Variants in CACNA2D3 observed in about 807,000 individuals in gnomAD.
CACNA2D3 encodes the protein voltage-dependent calcium channel subunit alpha-2/delta-3.
A neutral mutation model predicts 160.6 loss-of-function variants in CACNA2D3; 60 were observed. That is an observed-to-expected ratio of 0.37 (90% CI 0.30 to 0.46). CACNA2D3 has a LOEUF of 0.46. Ranked by LOEUF, CACNA2D3 falls within the 20% of genes least tolerant of loss-of-function variation. The pLI, the probability that CACNA2D3 is intolerant of heterozygous loss-of-function variation, is 1.00. For missense variants in CACNA2D3, 1,205 were observed against 1,365.0 expected, an observed-to-expected ratio of 0.88 and a Z score of 1.85; for synonymous variants, 558 against 492.9, an observed-to-expected ratio of 1.13 and a Z score of -1.75.
At chr3:54,370,092 TAAAC>T (rs1698898493) in intron 3 of CACNA2D3, among the ~76,000 whole-genome samples, 1 of 152,198 alleles carries the variant, frequency 6.6e-6, no homozygotes, top group Non-Finnish European at 1.5e-5. Context: ...GGGCTATAAA[TAAAC>T]AGTAATAAAT....
chr3:54,802,492 T>A (rs758835774), intron 13 of CACNA2D3, among the ~76,000 whole-genome samples: 2 of 152,228 alleles, frequency 1.3e-5, no homozygotes, highest in Admixed American at 6.5e-5. Context: ...TTTTTGAAGC[T>A]GAGCAAAGAG....
intron 11 of CACNA2D3, among the ~76,000 whole-genome samples, chr3:54,705,951 A>G (rs1210125647): frequency 6.6e-6 from 1 of 152,190 alleles, no homozygotes; most frequent in Non-Finnish European, 1.5e-5. Context: ...TTCTCCTCGT[A>G]TAGTTCTCAT....
chr3:54,876,070 G>A (rs1699651941), intron 18 of CACNA2D3, among the ~76,000 whole-genome samples: 1 of 152,084 alleles, frequency 6.6e-6, no homozygotes, highest in Non-Finnish European at 1.5e-5. Flanking sequence ...ATCAAAACTT[G>A]TTTGGAAATT....
chr3:54,223,521 A>G (rs879667936), intron 2 of CACNA2D3, among the ~76,000 whole-genome samples: 5 of 152,206 alleles, frequency 3.3e-5, no homozygotes, highest in Admixed American at 6.5e-5. Flanking sequence ...ACATTACTGC[A>G]TACTACTGTA....
chr3:54,423,576 A>C (rs949992854), intron 4 of CACNA2D3, among the ~76,000 whole-genome samples: 1 of 152,204 alleles, frequency 6.6e-6, no homozygotes, highest in Non-Finnish European at 1.5e-5. Context: ...GGCTGCAGGC[A>C]TGTATCAGTG....
intron 4 of CACNA2D3, among the ~76,000 whole-genome samples, chr3:54,450,699 TA>T (rs1700291658): frequency 6.6e-6 from 1 of 152,090 alleles, no homozygotes; most frequent in Admixed American, 6.5e-5. Context: ...CCTTCCACCA[TA>T]GTGGAAGGAG....
At chr3:54,393,781 A>C (rs891242055) in intron 4 of CACNA2D3, among the ~76,000 whole-genome samples, 3 of 152,216 alleles carry the variant, frequency 2.0e-5, no homozygotes, top group Non-Finnish European at 4.4e-5. Flanking sequence ...CCAGGGAAAC[A>C]GGGCGTTGGT....
intron 27 of CACNA2D3, among the ~76,000 whole-genome samples, chr3:54,937,705 C>T (rs1701365298): frequency 6.6e-6 from 1 of 152,068 alleles, no homozygotes; most frequent in Non-Finnish European, 1.5e-5. Context: ...AAGTACTAGC[C>T]AGAATTTACC....
intron 4 of CACNA2D3, among the ~76,000 whole-genome samples, chr3:54,418,365 T>G (rs1699787907): frequency 6.6e-6 from 1 of 152,142 alleles, no homozygotes; most frequent in African/African-American, 2.4e-5. Flanking sequence ...TTGTTCTACT[T>G]GAGATTGGCT....
chr3:54,393,298 G>A (rs1699314489), intron 4 of CACNA2D3, among the ~76,000 whole-genome samples: 1 of 152,198 alleles, frequency 6.6e-6, no homozygotes, highest in African/African-American at 2.4e-5. Context: ...GGAGCTGGCT[G>A]GTGTCCACAC....
chr3:54,238,916 G>A lies in CACNA2D3; in HGVS notation c.205-81526G>A, dbSNP rs138034743. On this transcript the variant is annotated intron_variant, in intron 2 of 37. Transcript: ENST00000474759. ...CATAAACCATAGCACTAATAAACTC[G>A]TTTGAGGTCTTCAGATCATTTTGAA... Among the ~76,000 whole-genome samples, 267 of 152,254 alleles carry A rather than the reference G, an allele frequency of 1.8e-3. 1 individual carries two copies. In the Middle Eastern group the frequency reaches 0.024, roughly 14 times the overall value.
At chr3:54,580,267 A>G (rs1241579532) in intron 8 of CACNA2D3, among the ~76,000 whole-genome samples, 5 of 152,070 alleles carry the variant, frequency 3.3e-5, no homozygotes. Context: ...TTAATTGCCA[A>G]GGTCAGTTTG....
At chr3:54,672,607 G>C (rs1322703518) in intron 11 of CACNA2D3, among the ~76,000 whole-genome samples, 1 of 152,230 alleles carries the variant, frequency 6.6e-6, no homozygotes, top group East Asian at 1.9e-4. Context: ...CACGTTGGTT[G>C]TTTAACTCAG....
chr3:54,933,045 ATCCCTCCCTTCCTTCCTTCCTTCC>A (rs1701233531), intron 27 of CACNA2D3, among the ~76,000 whole-genome samples: 1 of 137,258 alleles, frequency 7.3e-6, no homozygotes, highest in Non-Finnish European at 1.5e-5. Flanking sequence ...CCATCCATCC[ATCCCTCCCTTCCTTCCTTCCTTCC>A]TTCCTTCCTT....
In CACNA2D3 at chr3:54,317,604, C is replaced by T. The variant is rs567691569; in HGVS notation, c.205-2838C>T. 3.0e-4 allele frequency among the ~76,000 whole-genome samples: 45 copies of T among 152,122 alleles called. No individual in the cohort carries two copies. In the South Asian group the frequency reaches 5.6e-3, roughly 19 times the overall value. On this transcript the variant is annotated intron_variant, in intron 2 of 37. Transcript: ENST00000474759. ...CCAGGCTGGAGTGCAATGGCGCGAT[C>T]GCGGCTCACTGCAATATCCGCCTCC...
At chr3:54,488,650 C>G (rs1701056945) in intron 4 of CACNA2D3, among the ~76,000 whole-genome samples, 1 of 152,068 alleles carries the variant, frequency 6.6e-6, no homozygotes, top group African/African-American at 2.4e-5. Flanking sequence ...TGGGACACTC[C>G]CTTCTCTCTT....
At position 54,745,476 on chromosome 3, in the gene CACNA2D3, C is replaced by A. The variant is rs555351127; in HGVS notation, c.1168-7123C>A. Among the ~76,000 whole-genome samples the A allele has an allele frequency of 1.1e-4, 17 of 152,312 alleles. No homozygotes were observed. In the East Asian group the frequency reaches 3.3e-3, roughly 29 times the overall value. On this transcript the variant is annotated intron_variant, in intron 11 of 37. Transcript: ENST00000474759. ...ATTAGCTAACCCTAGGAGGGGGAGT[C>A]CCTCCAAGGTCATAAGGCCTCAGAC...
intron 27 of CACNA2D3, among the ~76,000 whole-genome samples, chr3:54,947,514 A>C (rs956364131): frequency 4.4e-4 from 67 of 152,228 alleles, no homozygotes; most frequent in African/African-American, 1.5e-3. Flanking sequence ...AGGAGAACCT[A>C]TACTGTTGAG....
intron 4 of CACNA2D3, among the ~76,000 whole-genome samples, chr3:54,469,028 C>T (rs537290474): frequency 1.1e-4 from 16 of 152,308 alleles, no homozygotes; most frequent in African/African-American, 3.8e-4. Flanking sequence ...TCCCGCCTGC[C>T]GGCTCTTAAG....
Sources: gnomAD v4.1 joint callset for allele counts (sites outside exome capture counted in the v4.1 genomes callset) on GRCh38, gnomAD v4.1.1 for gene constraint, MANE v1.5 for transcripts, NCBI Gene and HGNC (gene_info 2026-07-23, HGNC 2026-07-21) for gene names.